The following ZFAT variants were observed in gnomAD, a reference collection of about 807,000 sequenced individuals.
The protein encoded by ZFAT is zinc finger protein ZFAT.
ZFAT carries 64 observed loss-of-function variants against 117.7 expected under a neutral mutation model. The observed-to-expected ratio is 0.54, with a 90% confidence interval of 0.44 to 0.67. ZFAT has a LOEUF of 0.67. Among genes scored for constraint, ZFAT ranks in the 30% least tolerant of loss-of-function variants. ZFAT has a pLI of 0.00. For synonymous variants in ZFAT, 679 were observed against 615.0 expected (o/e 1.10, Z -1.54); for missense variants, 1,433 against 1,584.5 (o/e 0.90, Z 1.62).
chr8:134,792,529 T>C, the ZFAT span: 3 of 152,206 alleles, frequency 2.0e-5, no homozygotes, highest in Non-Finnish European at 4.4e-5. Flanking sequence ...TTAAATAAAA[T>C]TTCTAGCAGT....
At chr8:134,739,754 T>C in the ZFAT span, among the ~76,000 whole-genome samples, 1 of 152,238 alleles carries the variant, frequency 6.6e-6, no homozygotes, top group African/African-American at 2.4e-5. Flanking sequence ...CCATAGGGTC[T>C]GATGGGACTA....
chr8:134,670,154 G>A (rs574536796), intron 1 of ZFAT, among the ~76,000 whole-genome samples: 1 of 152,280 alleles, frequency 6.6e-6, no homozygotes, highest in East Asian at 1.9e-4. Flanking sequence ...ATAATAATGG[G>A]AGACTGTAAC....
At chr8:134,619,243 T>TATA (rs1171586424) in intron 3 of ZFAT, among the ~76,000 whole-genome samples, 11 of 151,812 alleles carry the variant, frequency 7.2e-5, no homozygotes, top group African/African-American at 2.4e-4. Flanking sequence ...AAGCCTATTT[T>TATA]ATAATAATAA....
chr8:134,790,638 A>G, the ZFAT span, among the ~76,000 whole-genome samples: 2 of 152,248 alleles, frequency 1.3e-5, no homozygotes, highest in African/African-American at 2.4e-5. Context: ...CCTAAAATAT[A>G]TATGTATATT....
intron 11 of ZFAT, among the ~76,000 whole-genome samples, chr8:134,560,329 A>G (rs1823958472): frequency 6.6e-6 from 1 of 152,326 alleles, no homozygotes; most frequent in African/African-American, 2.4e-5. Flanking sequence ...TATGAATCCC[A>G]TGAACTCAAC....
At chr8:134,495,184 G>C (rs1381968920) in intron 15 of ZFAT, among the ~76,000 whole-genome samples, 5 of 152,134 alleles carry the variant, frequency 3.3e-5, no homozygotes, top group Admixed American at 3.3e-4. Flanking sequence ...ATAAACAACA[G>C]AAATCTATCT....
chr8:134,804,870 T>C, the ZFAT span: 2 of 534,408 alleles, frequency 3.7e-6, no homozygotes, highest in East Asian at 5.5e-5. Context: ...TGTCTGTGAA[T>C]AGCCGGTAGC....
At chr8:134,650,541 A>G (rs1160041430) in intron 2 of ZFAT, among the ~76,000 whole-genome samples, 3 of 152,212 alleles carry the variant, frequency 2.0e-5, no homozygotes, top group Non-Finnish European at 4.4e-5. Context: ...TCTTTTTTGA[A>G]GAAATAGACA....
chr8:134,713,573 G>A (rs1226637395), upstream of ZFAT, among the ~76,000 whole-genome samples: 2 of 152,148 alleles, frequency 1.3e-5, no homozygotes, highest in African/African-American at 4.8e-5. Flanking sequence ...ACGTGACAAG[G>A]CGACTTCCTC....
the ZFAT span, among the ~76,000 whole-genome samples, chr8:134,813,554 A>C: frequency 6.6e-6 from 1 of 152,186 alleles, no homozygotes; most frequent in Non-Finnish European, 1.5e-5. Context: ...CTAGGATTAC[A>C]GGTGTGGGCC....
chr8:134,794,700 T>A, the ZFAT span: 1 of 152,232 alleles, frequency 6.6e-6, no homozygotes, highest in Non-Finnish European at 1.5e-5. Flanking sequence ...GTAAAAAATT[T>A]AACTTCCATA....
the ZFAT span, among the ~76,000 whole-genome samples, chr8:134,737,477 G>A: frequency 0.35 from 52,641 of 151,934 alleles, 9,425 homozygotes; most frequent in Non-Finnish European, 0.39. Flanking sequence ...CCAGGGCTCT[G>A]TGTGTTCAGT....
intron 1 of ZFAT, among the ~76,000 whole-genome samples, chr8:134,704,082 C>T (rs1834084635): frequency 6.6e-6 from 1 of 152,098 alleles, no homozygotes; most frequent in South Asian, 2.1e-4. Context: ...GGTCCCAGGG[C>T]TGTTAGACAG....
the ZFAT span, among the ~76,000 whole-genome samples, chr8:134,719,318 G>T: frequency 6.6e-6 from 1 of 152,154 alleles, no homozygotes; most frequent in African/African-American, 2.4e-5. Context: ...CCCTTCTCTG[G>T]GCAATGAAGG....
the ZFAT span, among the ~76,000 whole-genome samples, chr8:134,746,362 T>G: frequency 6.6e-6 from 1 of 152,248 alleles, no homozygotes; most frequent in African/African-American, 2.4e-5. Flanking sequence ...AATTGAAGAC[T>G]GTTTGTGCTA....
chr8:134,594,270 T>C (rs933283394), intron 7 of ZFAT, among the ~76,000 whole-genome samples: 2 of 152,212 alleles, frequency 1.3e-5, no homozygotes, highest in African/African-American at 4.8e-5. Flanking sequence ...TTATAGCTCT[T>C]GGGAAGGGAA....
At chr8:134,769,163 ACT>A in the ZFAT span, among the ~76,000 whole-genome samples, 1 of 151,620 alleles carries the variant, frequency 6.6e-6, no homozygotes, top group Non-Finnish European at 1.5e-5. Flanking sequence ...ACAGAGCAAG[ACT>A]CTGTCTCAAG....
intron 8 of ZFAT, 90 bp from the exon 9 acceptor site, chr8:134,588,485 G>T: frequency 2.9e-6 from 4 of 1,374,452 alleles, no homozygotes; most frequent in Non-Finnish European, 1.9e-6. Context: ...GCACCCACAG[G>T]AGGAATCAAG....
At chr8:134,535,881 T>C (rs1821798794) in intron 11 of ZFAT, among the ~76,000 whole-genome samples, 1 of 152,126 alleles carries the variant, frequency 6.6e-6, no homozygotes. Flanking sequence ...AATGTTAGCA[T>C]TTACATACAA....
Sources: gnomAD v4.1 joint callset for allele counts (sites outside exome capture counted in the v4.1 genomes callset) on GRCh38, gnomAD v4.1.1 for gene constraint, MANE v1.5 for transcripts, NCBI Gene and HGNC (gene_info 2026-07-23, HGNC 2026-07-21) for gene names.